Variants in MIGA1 observed in about 807,000 individuals in gnomAD.
The protein encoded by MIGA1 is family with sequence similarity 73, member A.
In MIGA1, 58 loss-of-function variants were observed where a neutral mutation model predicts 82.0. The observed-to-expected ratio is 0.71, with a 90% CI of 0.57 to 0.88. MIGA1 has a LOEUF of 0.88. Among genes scored for constraint, MIGA1 ranks in the 40% least tolerant of loss-of-function variants. The probability of loss-of-function intolerance (pLI) is 0.00; values close to 1 mark genes in which losing one functional copy is unlikely to be tolerated. For synonymous variants in MIGA1, 249 were observed against 253.6 expected, an observed-to-expected ratio of 0.98 and a Z score of 0.17; for missense variants, 751 against 749.1, an observed-to-expected ratio of 1.00 and a Z score of -0.03.
At chr1:77,858,811 G>A in intron 8 of MIGA1, 127 bp from the exon 9 acceptor site, 1 of 591,686 alleles carries the variant, frequency 1.7e-6, no homozygotes, top group South Asian at 2.1e-5. Flanking sequence ...GTAGAGACAG[G>A]GTCTTACCAT....
intron 5 of MIGA1, among the ~76,000 whole-genome samples, chr1:77,808,505 A>C (rs1395686217): frequency 1.3e-5 from 2 of 152,188 alleles, no homozygotes; most frequent in African/African-American, 2.4e-5. Context: ...TATCCAGAAA[A>C]AAATTTTAAA....
chr1:77,812,955 C>A (rs1442772886), intron 5 of MIGA1, among the ~76,000 whole-genome samples: 3 of 151,894 alleles, frequency 2.0e-5, no homozygotes, highest in Admixed American at 2.0e-4. Context: ...TTATTTTAGA[C>A]TTCTATATTA....
At chr1:77,866,249 T>G in intron 13 of MIGA1, 89 bp from the exon 14 acceptor site, 1 of 1,232,296 alleles carries the variant, frequency 8.1e-7, no homozygotes, top group Non-Finnish European at 1.2e-6. Flanking sequence ...GTATTGAACG[T>G]TTTAGACCCA....
intron 7 of MIGA1, among the ~76,000 whole-genome samples, chr1:77,821,663 G>A (rs1381909429): frequency 1.3e-5 from 2 of 151,976 alleles, no homozygotes; most frequent in Non-Finnish European, 2.9e-5. Context: ...CAAAGTGCTG[G>A]GATTACAGTT....
At chr1:77,803,213 C>A in intron 3 of MIGA1, 57 bp from the exon 4 acceptor site, 1 of 1,187,356 alleles carries the variant, frequency 8.4e-7, no homozygotes, top group Non-Finnish European at 1.1e-6. Context: ...AAATTTTTAC[C>A]TGAAATTTAT....
At chr1:77,835,023 C>T (rs1444856210) in intron 7 of MIGA1, among the ~76,000 whole-genome samples, 1 of 152,140 alleles carries the variant, frequency 6.6e-6, no homozygotes, top group Non-Finnish European at 1.5e-5. Flanking sequence ...CTACTAGAAT[C>T]TGCTGAGGTT....
chr1:77,841,058 C>T (rs530157720), intron 7 of MIGA1, among the ~76,000 whole-genome samples: 3 of 151,954 alleles, frequency 2.0e-5, no homozygotes, highest in Admixed American at 1.3e-4. Flanking sequence ...AATTGAGTGT[C>T]CCAAAATACC....
intron 7 of MIGA1, among the ~76,000 whole-genome samples, chr1:77,826,293 A>C (rs1310830753): frequency 6.6e-6 from 1 of 152,226 alleles, no homozygotes; most frequent in Non-Finnish European, 1.5e-5. Context: ...AAGTAAAAAA[A>C]GGTGCTTTTT....
intron 5 of MIGA1, chr1:77,811,867 A>G: frequency 6.9e-7 from 1 of 1,451,298 alleles, no homozygotes. Flanking sequence ...TGGCCCCGAC[A>G]TTAACAGGGC....
intron 5 of MIGA1, chr1:77,810,918 T>C: frequency 2.5e-6 from 4 of 1,611,984 alleles, no homozygotes; most frequent in East Asian, 2.2e-5. Flanking sequence ...TGGTCAATAA[T>C]TGCAATTTCT....
chr1:77,862,597 A>C (rs1685502065), intron 12 of MIGA1, among the ~76,000 whole-genome samples: 1 of 152,148 alleles, frequency 6.6e-6, no homozygotes, highest in Non-Finnish European at 1.5e-5. Flanking sequence ...TAAAAATACA[A>C]AAATTAGCCA....
At chr1:77,805,695 A>G (rs1683073885) in intron 4 of MIGA1, among the ~76,000 whole-genome samples, 1 of 151,522 alleles carries the variant, frequency 6.6e-6, no homozygotes, top group African/African-American at 2.4e-5. Flanking sequence ...ACACCTGGCT[A>G]ATTTTTGTAT....
At chr1:77,783,630 G>A (rs932891267) in intron 2 of MIGA1, among the ~76,000 whole-genome samples, 1 of 152,076 alleles carries the variant, frequency 6.6e-6, no homozygotes, top group African/African-American at 2.4e-5. Context: ...TGTTATTCCA[G>A]TAGGCCTGTT....
chr1:77,853,908 C>G (rs916002645), intron 8 of MIGA1: 2 of 257,108 alleles, frequency 7.8e-6, no homozygotes, highest in Non-Finnish European at 1.6e-5. Flanking sequence ...TTTATTTTTC[C>G]ATTAAGTTAT....
chr1:77,819,059 G>A (rs1332322361), intron 7 of MIGA1, among the ~76,000 whole-genome samples: 3 of 136,778 alleles, frequency 2.2e-5, no homozygotes, highest in African/African-American at 5.5e-5. Flanking sequence ...CAGTCTGGGC[G>A]ATAAGAGCAA....
chr1:77,795,879 C>G (rs531033784), intron 2 of MIGA1, among the ~76,000 whole-genome samples: 26 of 151,996 alleles, frequency 1.7e-4, no homozygotes, highest in African/African-American at 6.0e-4. Flanking sequence ...AGCTATCCAC[C>G]CGCCTCAGCC....
chr1:77,869,069 C>T (rs1233935166), intron 14 of MIGA1, among the ~76,000 whole-genome samples: 2 of 151,568 alleles, frequency 1.3e-5, no homozygotes, highest in Non-Finnish European at 2.9e-5. Context: ...CTCTGGTTTT[C>T]CTAGGCAGAG....
intron 8 of MIGA1, among the ~76,000 whole-genome samples, chr1:77,857,500 C>T (rs1438614922): frequency 6.6e-6 from 1 of 151,986 alleles, no homozygotes; most frequent in Non-Finnish European, 1.5e-5. Flanking sequence ...CGGGCATGAG[C>T]CACTGCACCT....
At chr1:77,779,902 A>G (rs1378247456) in intron 1 of MIGA1, 166 bp downstream of exon 1, 1 of 1,411,262 alleles carries the variant, frequency 7.1e-7, no homozygotes, top group African/African-American at 1.5e-5. Context: ...CAGAGGGTCT[A>G]CGGCCGTGCC....
Sources: gnomAD v4.1 joint callset for allele counts (sites outside exome capture counted in the v4.1 genomes callset) on GRCh38, gnomAD v4.1.1 for gene constraint, MANE v1.5 for transcripts, NCBI Gene and HGNC (gene_info 2026-07-23, HGNC 2026-07-21) for gene names.